Variants in PSPC1 observed in about 807,000 individuals in gnomAD.
PSPC1 encodes paraspeckle component 1.
Under a neutral mutation model 51.6 loss-of-function variants are expected in PSPC1, and 14 were observed. That is an observed-to-expected ratio of 0.27 (90% confidence interval 0.18 to 0.42). The LOEUF (loss-of-function observed/expected upper bound fraction) is 0.42, where lower values mean the gene tolerates loss of function less well. PSPC1 is among the 10% of genes least tolerant of loss of function. The pLI is 1.00. For missense variants in PSPC1, 406 were observed against 701.1 expected (o/e 0.58, Z 4.75); for synonymous variants, 193 against 231.9 (o/e 0.83, Z 1.53).
rs1399303470 is a variant in PSPC1 at position 19,702,738 on chromosome 13, T to C, written c.*437A>G. The C allele has an allele frequency of 1.8e-5, 3 of 165,440 alleles. No homozygotes were observed. Among genetic ancestry groups the C allele is most frequent in the African/African-American group, 7.2e-5 (3 of 41,524 alleles). 10.2% of individuals were successfully genotyped at this position (165,440 alleles called of 1,614,324 possible). On this transcript the variant is annotated 3_prime_UTR_variant, in exon 9 of 9. Coordinates refer to ENST00000338910, the MANE Select transcript of PSPC1 (RefSeq NM_001354909.2). ...CTTTCATTAATTAAGCTTCTATCTT[T>C]AGTGCTACTTGCGCAAATTAAAAAG...
At chr13:19,712,934 A>C (rs1043460488) in intron 6 of PSPC1, among the ~76,000 whole-genome samples, 1 of 152,170 alleles carries the variant, frequency 6.6e-6, no homozygotes, top group Non-Finnish European at 1.5e-5. Context: ...GTTACTTTCT[A>C]GAAAACCACC....
intron 6 of PSPC1, among the ~76,000 whole-genome samples, chr13:19,689,250 A>G (rs1414850094): frequency 6.6e-6 from 1 of 152,236 alleles, no homozygotes; most frequent in Non-Finnish European, 1.5e-5. Context: ...TCCAGAGGGA[A>G]GCCTAGAGTG....
intron 6 of PSPC1, among the ~76,000 whole-genome samples, chr13:19,716,551 C>T (rs908380631): frequency 1.3e-5 from 2 of 152,022 alleles, no homozygotes; most frequent in African/African-American, 4.8e-5. Context: ...TCATGTTTAT[C>T]TCAAAAAAAG....
chr13:19,780,245 T>C (rs1336420097), intron 1 of PSPC1, among the ~76,000 whole-genome samples: 2 of 143,590 alleles, frequency 1.4e-5, no homozygotes, highest in Admixed American at 1.4e-4. Context: ...GGGGCGCCTC[T>C]GCCCGGCCGC....
chr13:19,761,374 A>G (rs191788705), intron 2 of PSPC1, among the ~76,000 whole-genome samples: 1 of 152,276 alleles, frequency 6.6e-6, no homozygotes, highest in African/African-American at 2.4e-5. Context: ...CACTGATATT[A>G]AAATTTCCTT....
At chr13:19,688,423 G>A (rs1593529651) in intron 6 of PSPC1, among the ~76,000 whole-genome samples, 1 of 152,088 alleles carries the variant, frequency 6.6e-6, no homozygotes, top group East Asian at 1.9e-4. Context: ...GTGTATTCTT[G>A]AATTTTTCCT....
At chr13:19,698,860 A>G (rs1361153642), downstream of PSPC1, among the ~76,000 whole-genome samples, 2 of 151,948 alleles carry the variant, frequency 1.3e-5, no homozygotes, top group Non-Finnish European at 2.9e-5. Flanking sequence ...GAATTTCAGT[A>G]TCTTCAATCT....
At chr13:19,769,750 A>G (rs1175437142) in intron 2 of PSPC1, among the ~76,000 whole-genome samples, 1 of 151,956 alleles carries the variant, frequency 6.6e-6, no homozygotes, top group Non-Finnish European at 1.5e-5. Context: ...AAATAATAAT[A>G]AAATAAAATA....
Position 19,682,983 on chromosome 13 carries a change from G to T in PSPC1, c.1159-5160C>A, listed in dbSNP as rs191189376. Among the ~76,000 whole-genome samples, 24 of 152,118 alleles carry T rather than the reference G, an allele frequency of 1.6e-4. No individual in the cohort carries two copies. In the East Asian group the frequency reaches 4.3e-3, roughly 27 times the overall value. ...CTCGGGAGGCTGAGACTGGAGGATG[G>T]TTTATGCCCAGAAGCTCAAGGCTGC... On this transcript the variant is annotated intron_variant and NMD_transcript_variant, in intron 6 of 7. Coordinates refer to the PSPC1 transcript ENST00000471658.
intron 6 of PSPC1, among the ~76,000 whole-genome samples, chr13:19,716,514 T>C (rs1882109877): frequency 6.6e-6 from 1 of 152,188 alleles, no homozygotes; most frequent in African/African-American, 2.4e-5. Context: ...TAGGTCACAG[T>C]CAAAATTCTT....
At chr13:19,725,768 C>T (rs1346276994) in intron 6 of PSPC1, among the ~76,000 whole-genome samples, 1 of 152,104 alleles carries the variant, frequency 6.6e-6, no homozygotes, top group African/African-American at 2.4e-5. Context: ...ATAATATGTC[C>T]TGCACATATA....
At chr13:19,774,289 A>G (rs1481638247) in intron 1 of PSPC1, among the ~76,000 whole-genome samples, 1 of 152,188 alleles carries the variant, frequency 6.6e-6, no homozygotes, top group Non-Finnish European at 1.5e-5. Context: ...CTTTATATGT[A>G]TATGTAAGAA....
At chr13:19,762,294 A>T (rs1887667859) in intron 2 of PSPC1, among the ~76,000 whole-genome samples, 1 of 152,232 alleles carries the variant, frequency 6.6e-6, no homozygotes, top group African/African-American at 2.4e-5. Flanking sequence ...GTGGTGGCTC[A>T]CGCCTGTAAC....
chr13:19,782,655 C>G lies in PSPC1; in HGVS notation c.103G>C (p.Ala35Pro). The change falls in exon 1 of 9, where the codon GCA (alanine) becomes CCA (proline). Residue 35 changes from alanine (A) to proline (P), a missense_variant. Physicochemically the swap from Ala to Pro is conservative, Grantham distance 27. Transcript: ENST00000338910. This position sits in a 1 kb window ranked among gnomAD's most constrained non-coding sequence, Gnocchi z 4.5. ...AVGESEPAAA[A>P]AMALALAGEP... ...CCGGCAAGAGCGAGCGCCATGGCTGCCGCGGCCGCCGGCTCGCTCTCGCCC... is the reference window on the plus strand; with the variant it reads ...CCGGCAAGAGCGAGCGCCATGGCTGGCGCGGCCGCCGGCTCGCTCTCGCCC... 1 of 1,551,598 alleles carries G rather than the reference C, an allele frequency of 6.4e-7. No individual in the cohort carries two copies. Among genetic ancestry groups the G allele is most frequent in the South Asian group, 1.2e-5 (1 of 83,874 alleles).
chr13:19,719,442 C>G lies in PSPC1; in HGVS notation c.1159-9843G>C, dbSNP rs149426147. ...GCCTCAGGCTCCCTAGTAGCTGGAA[C>G]TACAGTCATGCCACCGCACCCAGCT... is the stretch of plus-strand genomic sequence containing the variant. On this transcript the variant is annotated intron_variant, in intron 6 of 8. Coordinates refer to ENST00000338910, the MANE Select transcript of PSPC1 (RefSeq NM_001354909.2). Among the ~76,000 whole-genome samples the G allele has an allele frequency of 9.7e-3, 1,479 of 152,254 alleles. 24 individuals carry two copies. Among genetic ancestry groups the G allele is most frequent in the African/African-American group, 0.032 (1,326 of 41,528 alleles).
chr13:19,672,510 A>AC (rs1461432555), downstream of PSPC1: 2 of 152,150 alleles, frequency 1.3e-5, no homozygotes, highest in African/African-American at 2.4e-5. Flanking sequence ...AAAAAAAAAA[A>AC]AAAAAAAGGA....
intron 6 of PSPC1, among the ~76,000 whole-genome samples, chr13:19,711,135 C>T (rs1593589872): frequency 6.6e-6 from 1 of 152,150 alleles, no homozygotes; most frequent in East Asian, 1.9e-4. Context: ...ACCGCAATGC[C>T]CAGCCCTAAA....
intron 4 of PSPC1, among the ~76,000 whole-genome samples, chr13:19,750,750 T>C (rs533126942): frequency 6.6e-6 from 1 of 150,654 alleles, no homozygotes; most frequent in Non-Finnish European, 1.5e-5. Flanking sequence ...CCAACACTAC[T>C]GCTTGCATAA....
intron 5 of PSPC1, among the ~76,000 whole-genome samples, chr13:19,741,260 G>C (rs1885408431): frequency 6.6e-6 from 1 of 152,040 alleles, no homozygotes; most frequent in South Asian, 2.1e-4. Flanking sequence ...AAATAAATAA[G>C]AGCAACGCAA....
Sources: gnomAD v4.1 joint callset for allele counts (sites outside exome capture counted in the v4.1 genomes callset) on GRCh38, gnomAD v4.1.1 for gene constraint, Gnocchi (gnomAD v3.1) non-coding constraint, MANE v1.5 for transcripts, NCBI Gene and HGNC (gene_info 2026-07-23, HGNC 2026-07-21) for gene names.